ANO3: variants seen among roughly 807,000 people sequenced by gnomAD.
ANO3 encodes anoctamin-3.
A neutral mutation model predicts 144.8 loss-of-function variants in ANO3; 99 were observed. The ratio of observed to expected loss-of-function variants is 0.68; its 90% CI spans 0.58 to 0.81. The LOEUF is 0.81. Among genes scored for constraint, ANO3 ranks in the 30% least tolerant of loss-of-function variants. The pLI, the probability that ANO3 is intolerant of heterozygous loss-of-function variation, is 0.00. For synonymous variants in ANO3, 414 were observed against 392.6 expected (o/e 1.05, Z -0.64); for missense variants, 905 against 1,202.2 (o/e 0.75, Z 3.66).
At position 26,333,483 on chromosome 11, in the gene ANO3, C is replaced by T. The variant is rs558484036; in HGVS notation, c.46+1162C>T. On this transcript the variant is annotated intron_variant, in intron 1 of 26. Transcript: ENST00000256737. ...GTTTTTAGTAGAGACGGGGTTTCAC[C>T]GTATTAGCCAGGATGGCCTCCATCT... Among the ~76,000 whole-genome samples, 444 of 152,104 alleles carry T rather than the reference C, an allele frequency of 2.9e-3. 1 individual carries two copies. The highest frequency in any genetic ancestry group is 9.9e-3 in the African/African-American group (411 of 41,504).
chr11:26,526,838 C>T (rs10834999), intron 7 of ANO3, among the ~76,000 whole-genome samples: 90,213 of 151,874 alleles, frequency 0.59, 27,833 homozygotes, highest in East Asian at 0.79. Flanking sequence ...GCTCTCATTT[C>T]CCATGTGGGT....
chr11:26,396,034 A>C (rs1371997145), intron 1 of ANO3, among the ~76,000 whole-genome samples: 1 of 152,178 alleles, frequency 6.6e-6, no homozygotes, highest in Non-Finnish European at 1.5e-5. Flanking sequence ...AAATTTTTGC[A>C]ATCTATCCAT....
At chr11:26,212,505 C>A (rs1264306829) in intron 1 of ANO3, among the ~76,000 whole-genome samples, 2 of 151,924 alleles carry the variant, frequency 1.3e-5, no homozygotes, top group African/African-American at 4.8e-5. Context: ...ACTATAAATA[C>A]CTCTATGCAA....
At chr11:26,286,673 G>A (rs1291215763) in intron 1 of ANO3, among the ~76,000 whole-genome samples, 2 of 152,140 alleles carry the variant, frequency 1.3e-5, no homozygotes, top group Admixed American at 6.6e-5. Context: ...AGAAGATGGC[G>A]ATATGGATGC....
intron 1 of ANO3, among the ~76,000 whole-genome samples, chr11:26,322,927 T>C (rs1172149522): frequency 6.6e-6 from 1 of 152,172 alleles, no homozygotes; most frequent in Non-Finnish European, 1.5e-5. Context: ...CTTCCCCATT[T>C]ATTTAGTCAA....
At chr11:26,554,266 T>A (rs1292933578) in intron 13 of ANO3, among the ~76,000 whole-genome samples, 1 of 152,170 alleles carries the variant, frequency 6.6e-6, no homozygotes, top group Non-Finnish European at 1.5e-5. Flanking sequence ...TATCAATAGA[T>A]CATTTTTATT....
chr11:26,454,832 C>A, intron 3 of ANO3, among the ~76,000 whole-genome samples: 1 of 151,842 alleles, frequency 6.6e-6, no homozygotes, highest in Admixed American at 6.6e-5. Context: ...CAATAAAGTA[C>A]TGGCAAACTG....
intron 4 of ANO3, among the ~76,000 whole-genome samples, chr11:26,466,738 C>T (rs1487378433): frequency 6.6e-6 from 1 of 151,932 alleles, no homozygotes; most frequent in Non-Finnish European, 1.5e-5. Context: ...AGCCTGTGCA[C>T]AGAATCATGA....
intron 1 of ANO3, among the ~76,000 whole-genome samples, chr11:26,252,692 G>T (rs1019369071): frequency 6.6e-6 from 1 of 152,090 alleles, no homozygotes; most frequent in African/African-American, 2.4e-5. Context: ...ATACATATGA[G>T]TATGGACTGG....
At chr11:26,583,470 C>A (rs1483314451) in intron 14 of ANO3, among the ~76,000 whole-genome samples, 1 of 152,186 alleles carries the variant, frequency 6.6e-6, no homozygotes, top group Non-Finnish European at 1.5e-5. Context: ...CCAGATATTG[C>A]GCTGTGTCAA....
chr11:26,389,005 G>A (rs1856807868), intron 1 of ANO3, among the ~76,000 whole-genome samples: 1 of 152,056 alleles, frequency 6.6e-6, no homozygotes. Context: ...AATACTCAAG[G>A]CAAACCTAGA....
chr11:26,400,843 A>AATATAT (rs4033234), intron 1 of ANO3, among the ~76,000 whole-genome samples: 29 of 147,988 alleles, frequency 2.0e-4, no homozygotes, highest in Non-Finnish European at 3.0e-4. Context: ...TGCCTAGATG[A>AATATAT]ATATATATAT....
At chr11:26,242,662 C>G (rs751597346) in intron 1 of ANO3, among the ~76,000 whole-genome samples, 2 of 152,152 alleles carry the variant, frequency 1.3e-5, no homozygotes, top group African/African-American at 4.8e-5. Context: ...GCTTCATAGT[C>G]GAACACAGTT....
chr11:26,411,932 A>G (rs1260731889), intron 1 of ANO3, among the ~76,000 whole-genome samples: 5 of 152,000 alleles, frequency 3.3e-5, no homozygotes, highest in African/African-American at 1.2e-4. Context: ...CAGGGCCAGT[A>G]AAGTGGGCAC....
At chr11:26,465,209 T>A (rs980159403) in intron 4 of ANO3, among the ~76,000 whole-genome samples, 1 of 151,012 alleles carries the variant, frequency 6.6e-6, no homozygotes, top group South Asian at 2.1e-4. Flanking sequence ...TCTTATGACA[T>A]TGACAATTTT....
intron 4 of ANO3, among the ~76,000 whole-genome samples, chr11:26,501,355 C>A (rs1861186383): frequency 6.6e-6 from 1 of 151,968 alleles, no homozygotes; most frequent in Non-Finnish European, 1.5e-5. Context: ...TCTTTAAATC[C>A]AATAAAAAAT....
intron 18 of ANO3, among the ~76,000 whole-genome samples, chr11:26,633,813 C>T (rs909659403): frequency 5.9e-5 from 9 of 152,142 alleles, no homozygotes; most frequent in African/African-American, 1.2e-4. Context: ...TGGTGGCTCA[C>T]GCCTGTAATC....
chr11:26,598,713 A>G (rs1851709716), intron 15 of ANO3, 145 bp from the exon 16 acceptor site: 1 of 760,632 alleles, frequency 1.3e-6, no homozygotes, highest in Admixed American at 3.2e-5. Context: ...TTGGAAGGTA[A>G]TTTGATGTTA....
chr11:26,525,300 G>A (rs1849133588), intron 6 of ANO3, among the ~76,000 whole-genome samples: 1 of 151,940 alleles, frequency 6.6e-6, no homozygotes, highest in Non-Finnish European at 1.5e-5. Context: ...TGGATGGATG[G>A]CCTTATATAA....
Sources: gnomAD v4.1 joint callset for allele counts (sites outside exome capture counted in the v4.1 genomes callset) on GRCh38, gnomAD v4.1.1 for gene constraint, MANE v1.5 for transcripts, NCBI Gene and HGNC (gene_info 2026-07-23, HGNC 2026-07-21) for gene names.